ADCY3: variants seen among roughly 807,000 people sequenced by gnomAD.
ADCY3 encodes the protein adenylate cyclase type 3.
ADCY3 carries 70 observed loss-of-function variants against 119.4 expected under a neutral mutation model. The ratio of observed to expected loss-of-function variants is 0.59; its 90% CI spans 0.48 to 0.72. The LOEUF (loss-of-function observed/expected upper bound fraction) is 0.72. ADCY3 is among the 30% of genes least tolerant of loss of function. The pLI is 0.00. For missense variants in ADCY3, 1,238 were observed against 1,541.6 expected, an observed-to-expected ratio of 0.80 and a Z score of 3.30; for synonymous variants, 672 against 621.4, an observed-to-expected ratio of 1.08 and a Z score of -1.21.
Position 24,841,414 on chromosome 2 carries a change from C to T in ADCY3, c.1069-28G>A. 1.9e-6 allele frequency: 3 copies of T among 1,608,492 alleles called. No individual in the cohort carries two copies. Among genetic ancestry groups the T allele is most frequent in the Non-Finnish European group, 2.5e-6 (3 of 1,177,348 alleles). On this transcript the variant is annotated intron_variant, in intron 5 of 21. Transcript: ENST00000679454. This position sits in a 1 kb window ranked among gnomAD's most constrained non-coding sequence, Gnocchi z 5.8. The stretch of plus-strand genomic sequence containing the variant: ...GAAAGGGGAGGGCCTGGCCTGTGCT[C>T]CAGCCCCTCCTCAGTGAGGGAGGAG...
chr2:24,917,982 C>T (rs1444797594), intron 2 of ADCY3, among the ~76,000 whole-genome samples: 1 of 152,180 alleles, frequency 6.6e-6, no homozygotes, highest in Admixed American at 6.5e-5. Context: ...TCCTCCTTGC[C>T]AGGGTCACTG....
chr2:24,831,776 G>C (rs1400560883), intron 11 of ADCY3, 27 bp from the exon 12 acceptor site: 2 of 1,566,864 alleles, frequency 1.3e-6, no homozygotes, highest in Admixed American at 1.7e-5. Context: ...ACAATTGGGA[G>C]AGGCCAGAGG....
At chr2:24,910,599 T>C (rs1220675207) in intron 2 of ADCY3, among the ~76,000 whole-genome samples, 1 of 152,276 alleles carries the variant, frequency 6.6e-6, no homozygotes, top group Non-Finnish European at 1.5e-5. Flanking sequence ...GAGGAAAATG[T>C]TTTTAGATAC....
intron 16 of ADCY3, among the ~76,000 whole-genome samples, chr2:24,824,824 A>C (rs1455270950): frequency 6.6e-6 from 1 of 152,186 alleles, no homozygotes; most frequent in East Asian, 1.9e-4. Flanking sequence ...CAGGAGGCAG[A>C]GGTTGCAGTG....
chr2:24,819,801 A>G lies in ADCY3; in HGVS notation c.*131T>C, dbSNP rs1667269177. The G allele has an allele frequency of 3.1e-6, 3 of 978,112 alleles. No individual in the cohort carries two copies. The South Asian group carries it at 5.1e-5, about 17-fold the overall frequency. 60.6% of individuals were successfully genotyped at this position (978,112 alleles called of 1,614,324 possible). On this transcript the variant is annotated 3_prime_UTR_variant, in exon 22 of 22. Coordinates refer to ENST00000679454, the MANE Select transcript of ADCY3 (RefSeq NM_004036.5). ...TCAGAGCTCACACATCCACGAACAA[A>G]TGAAGGCTGAGGAGGTTTCTAAACC...
In ADCY3 at chr2:24,872,137, G is replaced by A. The variant is rs566433251; in HGVS notation, c.825+433C>T. ...GAGCAGGTGCACAGGGTGGATCTGC[G>A]GTTGGACCAGCAAGAGTGGTGGTGG... On this transcript the variant is annotated intron_variant, in intron 3 of 21. Coordinates refer to ENST00000679454, the MANE Select transcript of ADCY3 (RefSeq NM_004036.5). This position sits in a 1 kb window ranked among gnomAD's most constrained non-coding sequence, Gnocchi z 4.4. 9.8e-5 allele frequency among the ~76,000 whole-genome samples: 15 copies of A among 152,314 alleles called. No homozygotes were observed. Among genetic ancestry groups the A allele is most frequent in the Admixed American group, 2.6e-4 (4 of 15,308 alleles).
Position 24,918,517 on chromosome 2 carries a change from C to A in ADCY3, c.471G>T (p.Leu157=). 6.2e-7 allele frequency: 1 copy of A among 1,613,988 alleles called. No homozygotes were observed. The highest frequency in any genetic ancestry group is 8.5e-7 in the Non-Finnish European group (1 of 1,179,942). ...TAGCCGCGTGGGCACGCGCGAAGTT[C>A]AGGCCCAGGTAGGAGAAGATCTGGG... is the stretch of plus-strand genomic sequence containing the variant. ...ITAQIFSYLG[L]NFARAHAASD... is the part of the protein sequence containing the mutation. The change falls in exon 2 of 22, where the codon CTG becomes CTT. Residue 157 remains leucine (L), a synonymous_variant. Transcript: ENST00000679454. This position sits in a 1 kb window ranked among gnomAD's most constrained non-coding sequence, Gnocchi z 5.4.
At chr2:24,854,170 G>GA (rs1484984433) in intron 3 of ADCY3, among the ~76,000 whole-genome samples, 2 of 152,168 alleles carry the variant, frequency 1.3e-5, no homozygotes, top group African/African-American at 4.8e-5. Flanking sequence ...CCGGACTGTG[G>GA]AAAAAGGACC....
At position 24,842,411 on chromosome 2, in the gene ADCY3, GCA is replaced by G. The variant is rs1158806859; in HGVS notation, c.826-29_826-28del. 2 of 1,613,856 alleles carry G rather than the reference GCA, an allele frequency of 1.2e-6. No homozygotes were observed. The highest frequency in any genetic ancestry group is 1.7e-6 in the Non-Finnish European group (2 of 1,179,900). On this transcript the variant is annotated intron_variant, in intron 3 of 21. Transcript: ENST00000679454. This position sits in a 1 kb window ranked among gnomAD's most constrained non-coding sequence, Gnocchi z 4.9. ...TGTGAGGGGCAGGAGAGGGTCAGAG[GCA>G]AAGGTAGGCCCTGCTAGAGGCAAGT...
chr2:24,919,023 G>A lies in ADCY3; in HGVS notation c.-36C>T. ...GTCTGCTACTGGCCCTAGAGAAGTG[G>A]ACTGGGAACGGAGGAAGAGCTCTGG... On this transcript the variant is annotated 5_prime_UTR_variant, in exon 2 of 22. Transcript: ENST00000679454. The surrounding 1 kb of genome is among the most constrained non-coding windows in gnomAD (Gnocchi z 5.5). 1 of 1,508,854 alleles carries A rather than the reference G, an allele frequency of 6.6e-7. No individual in the cohort carries two copies. The highest frequency in any genetic ancestry group is 8.8e-7 in the Non-Finnish European group (1 of 1,131,186). 93.5% of individuals were successfully genotyped at this position (1,508,854 alleles called of 1,614,324 possible).
In ADCY3 at chr2:24,841,706, A is replaced by T; in HGVS notation, c.957-39T>A. On this transcript the variant is annotated intron_variant, in intron 4 of 21. Coordinates refer to ENST00000679454, the MANE Select transcript of ADCY3 (RefSeq NM_004036.5). This position sits in a 1 kb window ranked among gnomAD's most constrained non-coding sequence, Gnocchi z 5.8. Reference sequence around the variant, plus strand: ...GAACCGTGGGGGTGACGCTCCAGGCAGCCAGGTGTACCCGACCCCACTGCC... The same window carrying T: ...GAACCGTGGGGGTGACGCTCCAGGCTGCCAGGTGTACCCGACCCCACTGCC... The T allele has an allele frequency of 6.5e-7, 1 of 1,545,702 alleles. No individual in the cohort carries two copies. The highest frequency in any genetic ancestry group is 8.9e-7 in the Non-Finnish European group (1 of 1,122,620).
rs954772217 is a variant in ADCY3, at chr2:24,878,602, A to T, written c.676-5883T>A. 1.3e-5 allele frequency among the ~76,000 whole-genome samples: 2 copies of T among 151,950 alleles called. No individual in the cohort carries two copies. Among genetic ancestry groups the T allele is most frequent in the African/African-American group, 4.8e-5 (2 of 41,340 alleles). ...AAACTCGTCATTAAAACTTACTCAG[A>T]TGCTTTAGGAAAAAGTCTCCTAGCA... On this transcript the variant is annotated intron_variant, in intron 2 of 21. Transcript: ENST00000679454. This position sits in a 1 kb window ranked among gnomAD's most constrained non-coding sequence, Gnocchi z 4.0.
chr2:24,850,850 T>A (rs146708086), intron 3 of ADCY3, among the ~76,000 whole-genome samples: 2 of 152,084 alleles, frequency 1.3e-5, no homozygotes, highest in Non-Finnish European at 2.9e-5. Context: ...ATCATTGCAA[T>A]AAAGTACAGA....
chr2:24,828,772 C>T (rs1270268669), intron 13 of ADCY3, among the ~76,000 whole-genome samples: 1 of 152,230 alleles, frequency 6.6e-6, no homozygotes, highest in African/African-American at 2.4e-5. Context: ...GTCATTCTAG[C>T]ATGAGCAGTT....
chr2:24,890,082 G>A (rs538693330), intron 2 of ADCY3, among the ~76,000 whole-genome samples: 1 of 152,270 alleles, frequency 6.6e-6, no homozygotes, highest in African/African-American at 2.4e-5. Context: ...ACAAAATTGA[G>A]ATGATCTTAT....
intron 20 of ADCY3, 199 bp from the exon 21 acceptor site, chr2:24,821,047 A>G (rs867070533): frequency 2.1e-5 from 11 of 533,532 alleles, no homozygotes; most frequent in African/African-American, 1.1e-4. Context: ...GTCAGCCGCC[A>G]CCCCCCCCCC....
rs187499306 is a variant in ADCY3, at chr2:24,881,503, C to A, written c.676-8784G>T. On this transcript the variant is annotated intron_variant, in intron 2 of 21. Transcript: ENST00000679454. ...AGACACTAGCAGTGCAAAGGAGACC[C>A]CCCTACAGCATGAGGCACAGCCTTC... Among the ~76,000 whole-genome samples, 9 of 152,322 alleles carry A rather than the reference C, an allele frequency of 5.9e-5. No individual in the cohort carries two copies. The East Asian group carries it at 1.7e-3, about 29-fold the overall frequency.
In ADCY3 at chr2:24,841,213, G is replaced by A. The variant is rs768809870; in HGVS notation, c.1196+46C>T. 29 of 1,523,318 alleles carry A rather than the reference G, an allele frequency of 1.9e-5. No individual in the cohort carries two copies. Among genetic ancestry groups the A allele is most frequent in the East Asian group, 1.2e-4 (5 of 40,470 alleles). 94.4% of individuals were successfully genotyped at this position (1,523,318 alleles called of 1,614,324 possible). A position where few individuals can be genotyped will look rare whatever the true frequency, so the allele number is the denominator to read the frequency against. ...CCTGCTTCTCCCTGGGTCCAGGGCCGGGGCCCTTGCTCTGGGAGCCTCCCT... is the reference window on the plus strand; with the variant it reads ...CCTGCTTCTCCCTGGGTCCAGGGCCAGGGCCCTTGCTCTGGGAGCCTCCCT... On this transcript the variant is annotated intron_variant, in intron 6 of 21. Coordinates refer to ENST00000679454, the MANE Select transcript of ADCY3 (RefSeq NM_004036.5). The surrounding 1 kb of genome is among the most constrained non-coding windows in gnomAD (Gnocchi z 5.8).
At chr2:24,870,351 A>G (rs1674839018) in intron 3 of ADCY3, among the ~76,000 whole-genome samples, 1 of 151,830 alleles carries the variant, frequency 6.6e-6, no homozygotes, top group Admixed American at 6.6e-5. Flanking sequence ...GAAAGAAAAA[A>G]AAATCTCTCA....
Sources: gnomAD v4.1 joint callset for allele counts (sites outside exome capture counted in the v4.1 genomes callset) on GRCh38, gnomAD v4.1.1 for gene constraint, Gnocchi (gnomAD v3.1) non-coding constraint, MANE v1.5 for transcripts, NCBI Gene and HGNC (gene_info 2026-07-23, HGNC 2026-07-21) for gene names.